Variants in ANO4 observed in about 807,000 individuals in gnomAD.
ANO4 encodes the protein anoctamin 4.
In ANO4, 69 loss-of-function variants were observed where a neutral mutation model predicts 141.9. The observed-to-expected ratio is 0.49, with a 90% CI of 0.40 to 0.59. The LOEUF (loss-of-function observed/expected upper bound fraction) is 0.59. Among genes scored for constraint, ANO4 ranks in the 20% least tolerant of loss-of-function variants. ANO4 has a pLI of 0.00. For synonymous variants in ANO4, 350 were observed against 394.3 expected (o/e 0.89, Z 1.33); for missense variants, 894 against 1,162.2 (o/e 0.77, Z 3.36).
chr12:100,824,669 G>C (rs1424354998), intron 1 of ANO4, among the ~76,000 whole-genome samples: 1 of 152,002 alleles, frequency 6.6e-6, no homozygotes, highest in African/African-American at 2.4e-5. Context: ...CCAAATGTGT[G>C]ATGCATAAAG....
intron 1 of ANO4, among the ~76,000 whole-genome samples, chr12:100,804,996 T>C (rs898050914): frequency 6.6e-6 from 1 of 152,230 alleles, no homozygotes; most frequent in African/African-American, 2.4e-5. Context: ...TTACAATTGC[T>C]GTTGGCATTT....
At chr12:100,996,847 A>G (rs902121970) in intron 8 of ANO4, among the ~76,000 whole-genome samples, 2 of 152,210 alleles carry the variant, frequency 1.3e-5, no homozygotes, top group East Asian at 3.9e-4. Flanking sequence ...TGATCAGCCA[A>G]TCAAACAGTG....
chr12:101,013,264 C>A (rs2046178244), intron 8 of ANO4, among the ~76,000 whole-genome samples: 1 of 152,170 alleles, frequency 6.6e-6, no homozygotes, highest in South Asian at 2.1e-4. Context: ...GGAGTTCAGT[C>A]ATTTACCAGC....
intron 5 of ANO4, among the ~76,000 whole-genome samples, chr12:100,957,465 A>T (rs10860666): frequency 0.48 from 72,413 of 152,096 alleles, 17,942 homozygotes; most frequent in East Asian, 0.61. Flanking sequence ...AACATGAGTT[A>T]TGGTGGAGAC....
intron 5 of ANO4, among the ~76,000 whole-genome samples, chr12:100,954,256 G>A (rs966312355): frequency 6.6e-5 from 10 of 152,222 alleles, no homozygotes; most frequent in African/African-American, 2.4e-4. Context: ...TAAAAGGTTG[G>A]GCATGAAGGT....
At chr12:101,002,816 T>G (rs1460438414) in intron 8 of ANO4, among the ~76,000 whole-genome samples, 1 of 152,190 alleles carries the variant, frequency 6.6e-6, no homozygotes, top group Admixed American at 6.5e-5. Context: ...CAAAAGTAAT[T>G]AGAAGGGAGC....
In ANO4 at chr12:101,111,766, T is replaced by C. The variant is rs868507008; in HGVS notation, c.2450+56T>C. The C allele has an allele frequency of 9.4e-6, 14 of 1,493,612 alleles. No homozygotes were observed. The African/African-American group carries it at 1.1e-4, about 12-fold the overall frequency. 92.5% of individuals were successfully genotyped at this position (1,493,612 alleles called of 1,614,324 possible). On this transcript the variant is annotated intron_variant, in intron 24 of 27. Transcript: ENST00000392977. ...TCTATTTCCTAGCCATTTTTTGAGGTTGGACACTCAGACAGAAGACTGCAC... is the reference window on the plus strand; with the variant it reads ...TCTATTTCCTAGCCATTTTTTGAGGCTGGACACTCAGACAGAAGACTGCAC...
At chr12:100,951,601 C>T (rs369865938) in intron 5 of ANO4, among the ~76,000 whole-genome samples, 1 of 152,188 alleles carries the variant, frequency 6.6e-6, no homozygotes, top group African/African-American at 2.4e-5. Context: ...CCAAATACTG[C>T]ATGTTTTTAC....
rs1330333928 is a variant in ANO4 at position 101,088,951 on chromosome 12, C to A, written c.1701+2127C>A. 2.0e-5 allele frequency among the ~76,000 whole-genome samples: 3 copies of A among 152,216 alleles called. No homozygotes were observed. The East Asian group carries it at 5.8e-4, about 29-fold the overall frequency. On this transcript the variant is annotated intron_variant, in intron 17 of 27. Transcript: ENST00000392977. ...TAGTGTAAATAAGTAAAACAATGTA[C>A]ATAGAGTGCCAAGGACAGTTGTTAG...
At chr12:101,022,146 A>G (rs1593040730) in intron 9 of ANO4, among the ~76,000 whole-genome samples, 1 of 152,124 alleles carries the variant, frequency 6.6e-6, no homozygotes, top group Middle Eastern at 3.4e-3. Flanking sequence ...TTACAACTGG[A>G]ATATTATGTT....
chr12:100,867,612 T>TCTCA (rs988136994), intron 1 of ANO4, among the ~76,000 whole-genome samples: 4 of 149,866 alleles, frequency 2.7e-5, no homozygotes, highest in African/African-American at 9.8e-5. Flanking sequence ...TCTCTCTCTC[T>TCTCA]CACACACACA....
intron 15 of ANO4, among the ~76,000 whole-genome samples, chr12:101,082,899 T>A (rs927356534): frequency 6.6e-6 from 1 of 151,698 alleles, no homozygotes; most frequent in African/African-American, 2.4e-5. Flanking sequence ...TAATGCATGC[T>A]TAATTAACGG....
chr12:101,120,153 T>A (rs1004178827), intron 25 of ANO4, among the ~76,000 whole-genome samples: 1 of 152,142 alleles, frequency 6.6e-6, no homozygotes, highest in African/African-American at 2.4e-5. Flanking sequence ...TCAAGCAGGC[T>A]CTCTCTCTCC....
chr12:100,738,479 A>G (rs756619735), intron 2 of ANO4, among the ~76,000 whole-genome samples: 24 of 152,210 alleles, frequency 1.6e-4, no homozygotes, highest in Non-Finnish European at 3.1e-4. Context: ...GAAATTTCCT[A>G]AACAAAAAAG....
intron 2 of ANO4, among the ~76,000 whole-genome samples, chr12:100,912,458 C>T (rs1374437859): frequency 4.7e-5 from 7 of 148,520 alleles, no homozygotes; most frequent in East Asian, 4.0e-4. Context: ...CGCTTGAATC[C>T]GGGAGACAGA....
intron 3 of ANO4, among the ~76,000 whole-genome samples, chr12:100,786,460 T>C (rs945324720): frequency 3.3e-5 from 5 of 152,154 alleles, no homozygotes; most frequent in Non-Finnish European, 5.9e-5. Context: ...TACCTCTGCA[T>C]TGGGGCAGGG....
At chr12:101,003,253 G>T (rs969473725) in intron 8 of ANO4, among the ~76,000 whole-genome samples, 1 of 152,226 alleles carries the variant, frequency 6.6e-6, no homozygotes, top group Non-Finnish European at 1.5e-5. Flanking sequence ...CTGAGGCTTT[G>T]CCTCACATGA....
At chr12:100,720,276 A>C (rs1198024373) in intron 1 of ANO4, among the ~76,000 whole-genome samples, 1 of 152,044 alleles carries the variant, frequency 6.6e-6, no homozygotes, top group Non-Finnish European at 1.5e-5. Flanking sequence ...GAGCTGAAAG[A>C]GCTGATAGAG....
intron 1 of ANO4, among the ~76,000 whole-genome samples, chr12:100,877,211 G>A (rs2039354924): frequency 6.6e-6 from 1 of 151,746 alleles, no homozygotes; most frequent in Non-Finnish European, 1.5e-5. Context: ...TGTACAGCAT[G>A]ATGACTATAG....
Sources: allele counts gnomAD v4.1 joint callset (sites outside exome capture counted in the v4.1 genomes callset), GRCh38; gene constraint gnomAD v4.1.1; transcripts MANE v1.5; gene names NCBI Gene and HGNC (gene_info 2026-07-23, HGNC 2026-07-21).